Variants in ATP7A observed in about 807,000 individuals in gnomAD.
ATP7A encodes the protein ATPase copper transporting alpha.
Under a neutral mutation model 83.5 loss-of-function variants are expected in ATP7A, and 7 were observed. The observed-to-expected ratio is 0.08, with a 90% CI of 0.05 to 0.16. The LOEUF is 0.16. Ranked by LOEUF, ATP7A falls within the 10% of genes least tolerant of loss-of-function variation. The probability of loss-of-function intolerance (pLI) is 1.00; values close to 1 mark genes in which losing one functional copy is unlikely to be tolerated. For synonymous variants in ATP7A, 354 were observed against 395.2 expected (o/e 0.90, Z 1.24); for missense variants, 940 against 1,120.8 (o/e 0.84, Z 2.30).
intron 1 of ATP7A, among the ~76,000 whole-genome samples, chrX:77,927,871 A>G (rs1202261828): frequency 9.0e-6 from 1 of 111,113 alleles, no homozygotes; most frequent in Non-Finnish European, 1.9e-5. Context: ...GAGTGAGAAC[A>G]TGCGGTGTTT....
chrX:77,912,714 T>C (rs1220764024), intron 1 of ATP7A, among the ~76,000 whole-genome samples: 1 of 112,553 alleles, frequency 8.9e-6, no homozygotes, highest in Non-Finnish European at 1.9e-5. Context: ...GGAATCATTT[T>C]TAAAATTGTT....
At chrX:78,019,733 G>A (rs2077892703) in intron 12 of ATP7A, among the ~76,000 whole-genome samples, 1 of 110,970 alleles carries the variant, frequency 9.0e-6, no homozygotes, top group Non-Finnish European at 1.9e-5. Flanking sequence ...CAAAGTGCTA[G>A]GATTACAGGC....
rs782522124 is a variant in ATP7A at position 78,049,727 on chromosome X, G to A, written c.*3157G>A. ...TCATATGTATAGAATGCTTAAAATAGCACTGTAGACAAGATGTTTCCAAAA... is the reference window on the plus strand; with the variant it reads ...TCATATGTATAGAATGCTTAAAATAACACTGTAGACAAGATGTTTCCAAAA... On this transcript the variant is annotated 3_prime_UTR_variant, in exon 23 of 23. Transcript: ENST00000341514. 5.3e-5 allele frequency: 6 copies of A among 112,288 alleles called. No individual in the cohort carries two copies. Among genetic ancestry groups the A allele is most frequent in the Non-Finnish European group, 1.1e-4 (6 of 53,158 alleles). 9.3% of individuals were successfully genotyped at this position (112,288 alleles called of 1,213,427 possible).
chrX:78,031,386 T>G lies in ATP7A; in HGVS notation c.3112-14T>G. The stretch of plus-strand genomic sequence containing the variant: ...GGAGGATCATCAAGTCATTGTATCT[T>G]AATTTTTTTACAGGTAAAGGTAGTG... On this transcript the variant is annotated splice_polypyrimidine_tract_variant and intron_variant, in intron 15 of 22. Coordinates refer to ENST00000341514, the MANE Select transcript of ATP7A (RefSeq NM_000052.7). 1 of 1,203,249 alleles carries G rather than the reference T, an allele frequency of 8.3e-7. No individual in the cohort carries two copies. Among genetic ancestry groups the G allele is most frequent in the Non-Finnish European group, 1.1e-6 (1 of 887,684 alleles).
chrX:78,008,990 T>C, intron 6 of ATP7A, 112 bp from the exon 7 acceptor site: 4 of 836,521 alleles, frequency 4.8e-6, no homozygotes, highest in Non-Finnish European at 6.8e-6. Context: ...CATTCCAGCC[T>C]GGGCGACAGA....
chrX:77,959,133 A>G (rs1160271639), intron 1 of ATP7A, among the ~76,000 whole-genome samples: 1 of 110,657 alleles, frequency 9.0e-6, no homozygotes, highest in East Asian at 2.8e-4. Context: ...CTCCTTGGTT[A>G]AGTTTATTCC....
At chrX:77,940,441 T>C (rs1329206417) in intron 1 of ATP7A, among the ~76,000 whole-genome samples, 1 of 110,342 alleles carries the variant, frequency 9.1e-6, no homozygotes, top group African/African-American at 3.3e-5. Flanking sequence ...GTTAATGATT[T>C]TGAAGAAAAA....
At chrX:77,963,972 G>T (rs2077489326) in intron 1 of ATP7A, 1 of 112,041 alleles carries the variant, frequency 8.9e-6, no homozygotes, top group Non-Finnish European at 1.9e-5. Flanking sequence ...TATTTCTATG[G>T]TTACTGCTTT....
intron 1 of ATP7A, among the ~76,000 whole-genome samples, chrX:77,922,367 G>A (rs1363478268): frequency 9.1e-6 from 1 of 110,450 alleles, no homozygotes; most frequent in South Asian, 3.8e-4. Flanking sequence ...AGCTGGGCAT[G>A]TGGTGCATGC....
chrX:78,003,112 C>G lies in ATP7A; in HGVS notation c.1583C>G (p.Ala528Gly), dbSNP rs1557233359. 15 of 1,210,184 alleles carry G rather than the reference C, an allele frequency of 1.2e-5. No homozygotes were observed. Among genetic ancestry groups the G allele is most frequent in the Non-Finnish European group, 1.7e-5 (15 of 894,384 alleles). The stretch of plus-strand genomic sequence containing the variant: ...CTTGTGGCCCTGATGGCTGGCAAGG[C>G]AGAAGTAAGGTATAATCCTGCTGTT... ...SILVALMAGKAEVRYNPAVIQ... is the reference protein window; with the variant it reads ...SILVALMAGKGEVRYNPAVIQ... Residue 528 changes from alanine to glycine, a missense_variant, in exon 6 of 23, where the codon GCA becomes GGA. Coordinates refer to ENST00000341514, the MANE Select transcript of ATP7A (RefSeq NM_000052.7).
intron 1 of ATP7A, among the ~76,000 whole-genome samples, chrX:77,967,934 A>G (rs1234587726): frequency 1.8e-5 from 2 of 111,324 alleles, no homozygotes; most frequent in African/African-American, 6.5e-5. Flanking sequence ...CAAAACTAAA[A>G]TGATGTTGTA....
chrX:77,996,061 A>G (rs183716164), intron 4 of ATP7A, among the ~76,000 whole-genome samples: 13 of 112,083 alleles, frequency 1.2e-4, no homozygotes, highest in Non-Finnish European at 2.1e-4. Flanking sequence ...TTTTATTTTT[A>G]ACTAATTTCA....
At chrX:78,038,218 C>T (rs369162092) in intron 17 of ATP7A, among the ~76,000 whole-genome samples, 5 of 108,512 alleles carry the variant, frequency 4.6e-5, no homozygotes, top group East Asian at 5.8e-4. Context: ...TGAGTGGATG[C>T]GGCAATGAGA....
At chrX:77,918,990 G>A (rs782164972) in intron 1 of ATP7A, among the ~76,000 whole-genome samples, 28 of 111,374 alleles carry the variant, frequency 2.5e-4, no homozygotes, top group Middle Eastern at 9.2e-3. Context: ...TCAAGGTGTT[G>A]CATAAATTTT....
In ATP7A at chrX:78,009,250, T is replaced by C. The variant is rs1569549841; in HGVS notation, c.1856T>C (p.Ile619Thr). 4 of 1,209,643 alleles carry C rather than the reference T, an allele frequency of 3.3e-6. No individual in the cohort carries two copies. The highest frequency in any genetic ancestry group is 4.4e-5 in the Admixed American group (2 of 45,886). ...GAAATTATTGGTCCTAGAGATATTA[T>C]CCATACAATTGAAGTAAGTGCCAAG... ...DPEIIGPRDIIHTIESLGFEA... is the reference protein window; with the variant it reads ...DPEIIGPRDITHTIESLGFEA... The change falls in exon 7 of 23, where the codon ATC becomes ACC. Residue 619 changes from isoleucine (I) to threonine (T), a missense_variant. By Grantham distance (89) the Ile-to-Thr change is moderately conservative. This residue lies in a region of ATP7A where 204 missense variants were observed against 185.8 expected (regional missense o/e 1.10). Coordinates refer to ENST00000341514, the MANE Select transcript of ATP7A (RefSeq NM_000052.7).
intron 14 of ATP7A, among the ~76,000 whole-genome samples, chrX:78,021,399 T>C (rs1314577222): frequency 8.9e-6 from 1 of 111,981 alleles, no homozygotes; most frequent in African/African-American, 3.3e-5. Flanking sequence ...CTCTGTCATT[T>C]ACTGTCAATA....
chrX:78,004,355 A>G (rs782664472), intron 6 of ATP7A, among the ~76,000 whole-genome samples: 142 of 112,593 alleles, frequency 1.3e-3, no homozygotes, highest in African/African-American at 4.4e-3. Context: ...TCTTTTCAAC[A>G]TTGAAATTTT....
chrX:77,958,607 G>A (rs1557227664), intron 1 of ATP7A, among the ~76,000 whole-genome samples: 1 of 110,220 alleles, frequency 9.1e-6, no homozygotes. Flanking sequence ...ATGAATTTTA[G>A]GGTAGTTTTT....
rs1176316040 is a variant in ATP7A at position 78,017,765 on chromosome X, C to CTTTTTTTTTTTTT, written c.2626+1901_2626+1913dup. On this transcript the variant is annotated intron_variant, in intron 12 of 22. Transcript: ENST00000341514. Reference sequence around the variant, plus strand: ...ATGCCATCCGTCTCTTTTCTTGTTTCTTTTTTTTTTTTTTTTTTTTTTTTT... The same window carrying CTTTTTTTTTTTTT: ...ATGCCATCCGTCTCTTTTCTTGTTTCTTTTTTTTTTTTTTTTTTTTTTTTTTTTTTTTTTTTTT... Among the ~76,000 whole-genome samples, 63 of 45,847 alleles carry CTTTTTTTTTTTTT rather than the reference C, an allele frequency of 1.4e-3. 2 individuals carry two copies. Among genetic ancestry groups the CTTTTTTTTTTTTT allele is most frequent in the African/African-American group, 2.1e-3 (22 of 10,648 alleles). The allele number at this position is 45,847 out of a possible 115,157, so 39.8% of individuals were successfully genotyped here. A position where few individuals can be genotyped will look rare whatever the true frequency, so the allele number is the denominator to read the frequency against.
Sources: allele counts gnomAD v4.1 joint callset (sites outside exome capture counted in the v4.1 genomes callset), GRCh38; gene constraint gnomAD v4.1.1; regional missense constraint gnomAD v4.1.1; transcripts MANE v1.5; gene names NCBI Gene and HGNC (gene_info 2026-07-23, HGNC 2026-07-21).